Variants in LILRB1 observed in about 807,000 individuals in gnomAD.
LILRB1 encodes the protein leukocyte immunoglobulin like receptor B1.
Under a neutral mutation model 74.6 loss-of-function variants are expected in LILRB1, and 59 were observed. That is an observed-to-expected ratio of 0.79 (90% CI 0.64 to 0.98). LILRB1 has a LOEUF of 0.98. Ranked by LOEUF, LILRB1 falls within the 50% of genes least tolerant of loss-of-function variation. The pLI, the probability that LILRB1 is intolerant of heterozygous loss-of-function variation, is 0.00. For missense variants in LILRB1, 804 were observed against 822.6 expected (o/e 0.98, Z 0.28); for synonymous variants, 328 against 333.9 (o/e 0.98, Z 0.19).
At chr19:54,633,445 T>A in intron 7 of LILRB1, 127 bp downstream of exon 7, 1 of 1,364,304 alleles carries the variant, frequency 7.3e-7, no homozygotes, top group African/African-American at 1.5e-5. Context: ...AGACTCACCC[T>A]CAGAGGGAAG....
At chr19:54,618,210 G>A (rs919374127) in intron 1 of LILRB1, among the ~76,000 whole-genome samples, 1 of 151,912 alleles carries the variant, frequency 6.6e-6, no homozygotes, top group Admixed American at 6.6e-5. Context: ...CTATCAGCAT[G>A]CCTAATGCGT....
rs762435989 is a variant in LILRB1, at chr19:54,632,701, C to T, written c.899C>T (p.Ala300Val). 1.9e-6 allele frequency: 3 copies of T among 1,612,880 alleles called. No homozygotes were observed. The highest frequency in any genetic ancestry group is 2.5e-6 in the Non-Finnish European group (3 of 1,179,950). Residue 300 changes from alanine (A) to valine (V), a missense_variant, in exon 6 of 15, where the codon GCA becomes GTA. Transcript: ENST00000324602. ...GGGGGCCAGTACAGATGCTACGGTG[C>T]ACACAACCTCTCCTCCGAGTGGTCG... ...SYGGQYRCYG[A>V]HNLSSEWSAP... is the part of the protein sequence containing the mutation.
chr19:54,634,664 G>T lies in LILRB1; in HGVS notation c.1387G>T (p.Val463Leu). ...QSGLGRHLGV[V>L]IGILVAVILL... ...AGGTCTGGGAAGGCACCTGGGGGTTGTGATCGGCATCTTGGTGGCCGTCAT... is the reference window on the plus strand; with the variant it reads ...AGGTCTGGGAAGGCACCTGGGGGTTTTGATCGGCATCTTGGTGGCCGTCAT... Residue 463 changes from valine (V) to leucine (L), a missense_variant, in exon 10 of 15, where the codon GTG (valine) becomes TTG (leucine). Physicochemically the swap from Val to Leu is conservative, Grantham distance 32 (BLOSUM62 1). Transcript: ENST00000324602. The T allele has an allele frequency of 1.2e-6, 2 of 1,613,848 alleles. No individual in the cohort carries two copies. The highest frequency in any genetic ancestry group is 1.7e-6 in the Non-Finnish European group (2 of 1,179,846).
chr19:54,620,938 T>C (rs777724986), intron 1 of LILRB1, among the ~76,000 whole-genome samples: 2 of 152,156 alleles, frequency 1.3e-5, no homozygotes, highest in Admixed American at 6.5e-5. Context: ...AATGGTGCCA[T>C]CTCTGCTCAC....
chr19:54,633,689 G>A lies in LILRB1; in HGVS notation c.1312+1G>A. 2 of 1,613,612 alleles carry A rather than the reference G, an allele frequency of 1.2e-6. No individual in the cohort carries two copies. The highest frequency in any genetic ancestry group is 1.1e-5 in the South Asian group (1 of 91,002). On this transcript the variant is annotated splice_donor_variant, in intron 8 of 14. Coordinates refer to ENST00000324602, the MANE Select transcript of LILRB1 (RefSeq NM_001081637.3). LOFTEE classifies it high-confidence loss of function. ...ACAACAGGCCCCACCTCCACATCTG[G>A]TGAGTCCCTGAGGCTTCTGAACTCA... is the stretch of plus-strand genomic sequence containing the variant.
chr19:54,635,670 G>A (rs1471365680), intron 13 of LILRB1, 61 bp downstream of exon 13: 6 of 1,569,198 alleles, frequency 3.8e-6, no homozygotes, highest in Non-Finnish European at 4.4e-6. Context: ...TAATCCTGCA[G>A]AACTTCTCTG....
chr19:54,623,797 C>G (rs1348295103), intron 1 of LILRB1, among the ~76,000 whole-genome samples: 1 of 152,178 alleles, frequency 6.6e-6, no homozygotes, highest in African/African-American at 2.4e-5. Context: ...GAGAGGCCTC[C>G]ACTTACTCTC....
Position 54,632,193 on chromosome 19 carries a change from A to T in LILRB1, c.617A>T (p.Tyr206Phe). Residue 206 changes from tyrosine to phenylalanine, a missense_variant, in exon 5 of 15, where the codon TAT becomes TTT. Tyr to Phe is a conservative substitution (Grantham distance 22). Coordinates refer to ENST00000324602, the MANE Select transcript of LILRB1 (RefSeq NM_001081637.3). ...TATGCTTATGACTCGAACTCTCCCT[A>T]TGAGTGGTCTCTACCCAGTGATCTC... Reference protein sequence around the residue: ...RCYAYDSNSPYEWSLPSDLLE... With the variant: ...RCYAYDSNSPFEWSLPSDLLE... The T allele has an allele frequency of 6.2e-7, 1 of 1,613,984 alleles. No homozygotes were observed. The highest frequency in any genetic ancestry group is 1.1e-5 in the South Asian group (1 of 91,070).
chr19:54,618,436 G>A (rs4806520), intron 1 of LILRB1, among the ~76,000 whole-genome samples: 81,154 of 152,112 alleles, frequency 0.53, 22,855 homozygotes, highest in South Asian at 0.64. Context: ...AATTGTTAGC[G>A]TTTTTGTTTG....
In LILRB1 at chr19:54,636,622, G is replaced by A; in HGVS notation, c.1782G>A (p.Gln594=). The A allele has an allele frequency of 6.2e-7, 1 of 1,610,316 alleles. No individual in the cohort carries two copies. Among genetic ancestry groups the A allele is most frequent in the Non-Finnish European group, 8.5e-7 (1 of 1,178,490 alleles). The stretch of plus-strand genomic sequence containing the variant: ...AATTCCTGGACACAAAGGACAGACA[G>A]GCGGAAGAGGACAGGCAGATGGACA... ...SGEFLDTKDR[Q]AEEDRQMDTE... Residue 594 remains glutamine (Q), a synonymous_variant, in exon 14 of 15, where the codon CAG becomes CAA. Coordinates refer to ENST00000324602, the MANE Select transcript of LILRB1 (RefSeq NM_001081637.3).
In LILRB1 at chr19:54,632,445, C is replaced by A; in HGVS notation, c.662-19C>A. The stretch of plus-strand genomic sequence containing the variant: ...AGCCTGAGGGTCGGCTCCTGGAAAC[C>A]ATGACCACCTTTTCCCAGGTGTTTC... On this transcript the variant is annotated intron_variant, in intron 5 of 14. Coordinates refer to ENST00000324602, the MANE Select transcript of LILRB1 (RefSeq NM_001081637.3). 2 of 1,585,448 alleles carry A rather than the reference C, an allele frequency of 1.3e-6. No homozygotes were observed. Among genetic ancestry groups the A allele is most frequent in the Non-Finnish European group, 8.6e-7 (1 of 1,163,992 alleles).
chr19:54,636,402 A>G, intron 13 of LILRB1, 92 bp from the exon 14 acceptor site: 3 of 1,566,880 alleles, frequency 1.9e-6, no homozygotes, highest in Admixed American at 1.8e-5. Context: ...CGGGAAAGGG[A>G]TGTAATCGGA....
intron 1 of LILRB1, among the ~76,000 whole-genome samples, chr19:54,624,077 C>T (rs1444764367): frequency 1.3e-5 from 2 of 152,156 alleles, no homozygotes; most frequent in Non-Finnish European, 2.9e-5. Context: ...AGGGGAAGGG[C>T]TGGACCGTGG....
At chr19:54,625,880 G>C (rs2063572445), upstream of LILRB1, among the ~76,000 whole-genome samples, 1 of 142,376 alleles carries the variant, frequency 7.0e-6, no homozygotes, top group South Asian at 2.2e-4. Context: ...CCCATGTTAG[G>C]AGCCTCTCAC....
Position 54,632,186 on chromosome 19 carries a change from T to TG in LILRB1, c.610_611insG (p.Ser204CysfsTer4). 6.8e-7 allele frequency: 1 copy of TG among 1,469,732 alleles called. No individual in the cohort carries two copies. The highest frequency in any genetic ancestry group is 1.2e-5 in the South Asian group (1 of 84,458). The allele number at this position is 1,469,732 out of a possible 1,614,324, so 91.0% of individuals were successfully genotyped here. A position where few individuals can be genotyped will look rare whatever the true frequency, so the allele number is the denominator to read the frequency against. ...CAGGTGCTATGCTTATGACTCGAAC[T>TG]CTCCCTATGAGTGGTCTCTACCCAG... On this transcript the variant is annotated frameshift_variant, in exon 5 of 15. Transcript: ENST00000324602. LOFTEE classifies it high-confidence loss of function.
Position 54,632,230 on chromosome 19 carries a change from G to A in LILRB1, c.654G>A (p.Leu218=). The A allele has an allele frequency of 1.2e-6, 2 of 1,611,760 alleles. No homozygotes were observed. Among genetic ancestry groups the A allele is most frequent in the Non-Finnish European group, 1.7e-6 (2 of 1,178,164 alleles). The stretch of plus-strand genomic sequence containing the variant: ...TACCCAGTGATCTCCTGGAGCTCCT[G>A]GTCCTAGGTGAGAAATTCACAGCAT... ...WSLPSDLLEL[L]VLGVSKKPSL... is the part of the protein sequence containing the mutation. The change falls in exon 5 of 15, where the codon CTG becomes CTA. Residue 218 remains leucine (L), a synonymous_variant. Transcript: ENST00000324602.
Position 54,636,635 on chromosome 19 carries a change from A to T in LILRB1, c.1795A>T (p.Arg599Trp). 1 of 1,610,872 alleles carries T rather than the reference A, an allele frequency of 6.2e-7. No individual in the cohort carries two copies. The highest frequency in any genetic ancestry group is 8.5e-7 in the Non-Finnish European group (1 of 1,178,892). The change falls in exon 14 of 15, where the codon AGG becomes TGG. Residue 599 changes from arginine to tryptophan, a missense_variant. By Grantham distance (101) the Arg-to-Trp change is moderately radical (BLOSUM62 -3). Transcript: ENST00000324602. Reference sequence around the variant, plus strand: ...AAAGGACAGACAGGCGGAAGAGGACAGGCAGATGGACACTGAGGTGAGTCC... The same window carrying T: ...AAAGGACAGACAGGCGGAAGAGGACTGGCAGATGGACACTGAGGTGAGTCC... ...DTKDRQAEED[R>W]QMDTEAAASE...
chr19:54,636,528 C>G lies in LILRB1; in HGVS notation c.1688C>G (p.Thr563Arg). Residue 563 changes from threonine to arginine, a missense_variant, in exon 14 of 15, where the codon ACG (threonine) becomes AGG (arginine). By Grantham distance (71) the Thr-to-Arg change is moderately conservative (BLOSUM62 -1). Coordinates refer to ENST00000324602, the MANE Select transcript of LILRB1 (RefSeq NM_001081637.3). ...CACGATGAAGACCCCCAGGCAGTGACGTATGCCGAGGTGAAACACTCCAGA... is the reference window on the plus strand; with the variant it reads ...CACGATGAAGACCCCCAGGCAGTGAGGTATGCCGAGGTGAAACACTCCAGA... Reference protein sequence around the residue: ...SPHDEDPQAVTYAEVKHSRPR... With the variant: ...SPHDEDPQAVRYAEVKHSRPR... 1 of 1,611,844 alleles carries G rather than the reference C, an allele frequency of 6.2e-7. No individual in the cohort carries two copies. Among genetic ancestry groups the G allele is most frequent in the South Asian group, 1.1e-5 (1 of 90,984 alleles).
intron 1 of LILRB1, among the ~76,000 whole-genome samples, chr19:54,625,393 C>T (rs2063553639): frequency 6.6e-6 from 1 of 152,002 alleles, no homozygotes; most frequent in African/African-American, 2.4e-5. Context: ...GCAGTGGCAG[C>T]TGGACCCAGG....
Sources: gnomAD v4.1 joint callset for allele counts (sites outside exome capture counted in the v4.1 genomes callset) on GRCh38, gnomAD v4.1.1 for gene constraint, MANE v1.5 for transcripts, NCBI Gene and HGNC (gene_info 2026-07-23, HGNC 2026-07-21) for gene names.